The following USP12 variants were observed in gnomAD, a reference collection of about 807,000 sequenced individuals.
USP12 encodes ubiquitin carboxyl-terminal hydrolase 12.
In USP12, 19 loss-of-function variants were observed where a neutral mutation model predicts 45.5. That is an observed-to-expected ratio of 0.42 (90% confidence interval 0.29 to 0.61). The LOEUF is 0.61. Ranked by LOEUF, USP12 falls within the 20% of genes least tolerant of loss-of-function variation. The pLI is 0.22. For synonymous variants in USP12, 149 were observed against 148.8 expected (o/e 1.00, Z -0.01); for missense variants, 242 against 447.7 (o/e 0.54, Z 4.15).
intron 1 of USP12, among the ~76,000 whole-genome samples, chr13:27,164,790 T>C (rs1320923998): frequency 6.6e-6 from 1 of 152,176 alleles, no homozygotes; most frequent in African/African-American, 2.4e-5. Context: ...CTTTAAAGTA[T>C]GGTGTAGATA....
At chr13:27,102,777 G>A (rs1374730598) in intron 3 of USP12, among the ~76,000 whole-genome samples, 2 of 152,056 alleles carry the variant, frequency 1.3e-5, no homozygotes, top group Non-Finnish European at 1.5e-5. Context: ...ATTGATGGCT[G>A]TCTGCTTCCC....
chr13:27,108,761 A>G (rs888317165), intron 2 of USP12, among the ~76,000 whole-genome samples: 1 of 152,192 alleles, frequency 6.6e-6, no homozygotes, highest in Non-Finnish European at 1.5e-5. Context: ...GTTTAAGACT[A>G]GCCTGGCCAA....
At chr13:27,128,037 T>C (rs78630701) in intron 1 of USP12, among the ~76,000 whole-genome samples, 6,386 of 152,316 alleles carry the variant, frequency 0.042, 164 homozygotes, top group Admixed American at 0.076. Flanking sequence ...GTATTTTCAA[T>C]GAAAAGTTTC....
intron 7 of USP12, among the ~76,000 whole-genome samples, chr13:27,074,317 G>A (rs762259942): frequency 1.3e-5 from 2 of 151,958 alleles, no homozygotes; most frequent in Non-Finnish European, 2.9e-5. Context: ...GGAGAATGGC[G>A]TGAACCCGGG....
At chr13:27,083,974 C>G (rs1259541183) in intron 6 of USP12, among the ~76,000 whole-genome samples, 1 of 151,644 alleles carries the variant, frequency 6.6e-6, no homozygotes, top group Admixed American at 6.6e-5. Flanking sequence ...AAGTGATTCT[C>G]CTGCCTCAGC....
rs1330099620 is a variant in USP12, at chr13:27,066,743, T to C, written c.*2540A>G. 1.3e-5 allele frequency: 2 copies of C among 152,158 alleles called. No homozygotes were observed. The highest frequency in any genetic ancestry group is 1.5e-5 in the Non-Finnish European group (1 of 68,020). 9.4% of individuals were successfully genotyped at this position (152,158 alleles called of 1,614,324 possible). On this transcript the variant is annotated 3_prime_UTR_variant, in exon 9 of 9. Transcript: ENST00000282344. ...AAATATGGGACAGCCATCCCAACAATCATGTACATAGTTACACGGCAATCA... is the reference window on the plus strand; with the variant it reads ...AAATATGGGACAGCCATCCCAACAACCATGTACATAGTTACACGGCAATCA...
chr13:27,071,094 A>C lies in USP12; in HGVS notation c.988T>G (p.Leu330Val). The C allele has an allele frequency of 1.9e-6, 3 of 1,609,948 alleles. No individual in the cohort carries two copies. The highest frequency in any genetic ancestry group is 2.5e-6 in the Non-Finnish European group (3 of 1,179,018). The part of the protein sequence containing the change: ...AIVKSHDFWL[L>V]FDDDIVEKID... ...ACTTCTACAATGTCGTCATCAAACA[A>C]CAACCAAAAATCATGACTCTTAACT... Residue 330 changes from leucine to valine, a missense_variant, in exon 8 of 9, where the codon TTG (leucine) becomes GTG (valine). Leu to Val is a conservative substitution (Grantham distance 32). Coordinates refer to ENST00000282344, the MANE Select transcript of USP12 (RefSeq NM_182488.4).
At chr13:27,152,713 C>T (rs927013785) in intron 1 of USP12, among the ~76,000 whole-genome samples, 6 of 151,922 alleles carry the variant, frequency 3.9e-5, no homozygotes, top group African/African-American at 1.2e-4. Context: ...GAGGCCGAGG[C>T]GGGTGGATCA....
At chr13:27,164,807 T>C (rs1878279331) in intron 1 of USP12, among the ~76,000 whole-genome samples, 1 of 151,922 alleles carries the variant, frequency 6.6e-6, no homozygotes, top group South Asian at 2.1e-4. Context: ...GATATGTAAA[T>C]ATCCCTCTTC....
intron 1 of USP12, among the ~76,000 whole-genome samples, chr13:27,122,821 C>T (rs1204335124): frequency 3.3e-5 from 5 of 151,984 alleles, no homozygotes; most frequent in African/African-American, 4.8e-5. Context: ...TGGCCAGGCG[C>T]GGTGGCTCAT....
chr13:27,120,481 C>T (rs1875932152), intron 1 of USP12, among the ~76,000 whole-genome samples: 1 of 152,004 alleles, frequency 6.6e-6, no homozygotes, highest in African/African-American at 2.4e-5. Flanking sequence ...GGTGAAACCC[C>T]ATCTCTATTA....
chr13:27,152,943 A>C (rs80206688), intron 1 of USP12, among the ~76,000 whole-genome samples: 3 of 194 alleles, frequency 0.015, no homozygotes. Context: ...CTCCGTCTCA[A>C]AAAAAAAAAA....
intron 6 of USP12, among the ~76,000 whole-genome samples, chr13:27,080,011 T>C (rs2137759394): frequency 6.6e-6 from 1 of 152,230 alleles, no homozygotes; most frequent in East Asian, 1.9e-4. Flanking sequence ...TGAGAGGACA[T>C]TTAGGCAGCA....
chr13:27,159,033 A>C (rs1258391336), intron 1 of USP12, among the ~76,000 whole-genome samples: 1 of 152,214 alleles, frequency 6.6e-6, no homozygotes, highest in Non-Finnish European at 1.5e-5. Context: ...CTTTCTAGCA[A>C]TTACTTCTTG....
intron 1 of USP12, among the ~76,000 whole-genome samples, chr13:27,139,603 A>G (rs992928736): frequency 2.0e-5 from 3 of 152,158 alleles, no homozygotes; most frequent in African/African-American, 7.2e-5. Context: ...GAGAAAGAGC[A>G]AGACTCCATC....
rs1264051954 is a variant in USP12 at position 27,071,168 on chromosome 13, A to T, written c.933-19T>A. 10 of 1,571,508 alleles carry T rather than the reference A, an allele frequency of 6.4e-6. No homozygotes were observed. Among genetic ancestry groups the T allele is most frequent in the South Asian group, 1.2e-5 (1 of 83,108 alleles). ...GGGACCACTAAAACAAACGAAGAAG[A>T]AGTTAATTCAATATATTTATTAATA... On this transcript the variant is annotated intron_variant, in intron 7 of 8. Transcript: ENST00000282344.
chr13:27,152,924 A>T (rs2137833403), intron 1 of USP12, among the ~76,000 whole-genome samples: 1 of 145,500 alleles, frequency 6.9e-6, no homozygotes, highest in African/African-American at 2.6e-5. Context: ...CCTGGGTGAC[A>T]GAGCGAGACT....
chr13:27,124,949 AG>A lies in USP12; in HGVS notation c.49-8354del, dbSNP rs1360461930. Among the ~76,000 whole-genome samples, 4 of 152,318 alleles carry A rather than the reference AG, an allele frequency of 2.6e-5. No individual in the cohort carries two copies. In the Middle Eastern group the frequency reaches 0.01, roughly 389 times the overall value. On this transcript the variant is annotated intron_variant, in intron 1 of 8. Coordinates refer to ENST00000282344, the MANE Select transcript of USP12 (RefSeq NM_182488.4). ...GGAATCATAAAAAGAGTATCAAAGTAGTAGGCCTTGGGTTATGTGAAATTCA... is the reference window on the plus strand; with the variant it reads ...GGAATCATAAAAAGAGTATCAAAGTATAGGCCTTGGGTTATGTGAAATTCA...
chr13:27,163,007 G>A (rs1878180003), intron 1 of USP12: 1 of 152,026 alleles, frequency 6.6e-6, no homozygotes, highest in Admixed American at 6.6e-5. Flanking sequence ...TCTTAAACAA[G>A]GAGGCCCTTA....
Sources: gnomAD v4.1 joint callset for allele counts (sites outside exome capture counted in the v4.1 genomes callset) on GRCh38, gnomAD v4.1.1 for gene constraint, MANE v1.5 for transcripts, NCBI Gene and HGNC (gene_info 2026-07-23, HGNC 2026-07-21) for gene names.